The following TRIM9 variants were observed in gnomAD, a reference collection of about 807,000 sequenced individuals.
TRIM9 encodes tripartite motif containing 9.
Under a neutral mutation model 78.3 loss-of-function variants are expected in TRIM9, and 26 were observed. The ratio of observed to expected loss-of-function variants is 0.33; its 90% CI spans 0.24 to 0.46. The LOEUF (loss-of-function observed/expected upper bound fraction) is 0.46. Among genes scored for constraint, TRIM9 ranks in the 20% least tolerant of loss-of-function variants. The pLI, the probability that TRIM9 is intolerant of heterozygous loss-of-function variation, is 1.00. For missense variants in TRIM9, 787 were observed against 1,036.4 expected, an observed-to-expected ratio of 0.76 and a Z score of 3.30; for synonymous variants, 398 against 416.5, an observed-to-expected ratio of 0.96 and a Z score of 0.54.
chr14:51,022,404 A>G (rs2057841812), intron 3 of TRIM9, among the ~76,000 whole-genome samples: 1 of 152,192 alleles, frequency 6.6e-6, no homozygotes, highest in African/African-American at 2.4e-5. Flanking sequence ...AGAAGCCAAC[A>G]CCATGCTTTT....
intron 1 of TRIM9, among the ~76,000 whole-genome samples, chr14:51,054,925 G>A (rs567436975): frequency 3.3e-5 from 5 of 151,896 alleles, no homozygotes; most frequent in South Asian, 4.2e-4. Flanking sequence ...TGCCTCCTGG[G>A]TTCAAGTGAT....
chr14:51,076,879 C>T (rs958319338), intron 1 of TRIM9, among the ~76,000 whole-genome samples: 1 of 152,224 alleles, frequency 6.6e-6, no homozygotes, highest in Non-Finnish European at 1.5e-5. Context: ...GCCTGAATAG[C>T]AGTAGACCCT....
At chr14:51,075,132 C>T (rs1435596480) in intron 1 of TRIM9, among the ~76,000 whole-genome samples, 1 of 152,108 alleles carries the variant, frequency 6.6e-6, no homozygotes, top group Non-Finnish European at 1.5e-5. Flanking sequence ...ATTTTATACA[C>T]GAGAAGCTAG....
At chr14:50,989,351 A>T (rs544600788) in intron 7 of TRIM9, among the ~76,000 whole-genome samples, 1 of 152,336 alleles carries the variant, frequency 6.6e-6, no homozygotes, top group Non-Finnish European at 1.5e-5. Flanking sequence ...GGATGCAGGA[A>T]GAAGGCACAC....
At chr14:51,035,400 A>G (rs2059054949) in intron 1 of TRIM9, among the ~76,000 whole-genome samples, 1 of 152,228 alleles carries the variant, frequency 6.6e-6, no homozygotes, top group African/African-American at 2.4e-5. Flanking sequence ...GAGTCTCTGA[A>G]AGAGTGCAGT....
At chr14:51,052,340 A>C (rs2060501135) in intron 1 of TRIM9, among the ~76,000 whole-genome samples, 1 of 152,210 alleles carries the variant, frequency 6.6e-6, no homozygotes, top group African/African-American at 2.4e-5. Flanking sequence ...ATATAATAAG[A>C]AATTACTTTA....
intron 10 of TRIM9, chr14:50,982,449 C>T (rs975763788): frequency 1.6e-4 from 57 of 361,974 alleles, no homozygotes; most frequent in Admixed American, 1.6e-3. Context: ...AGAGGGGATG[C>T]GCTAAGATGC....
intron 1 of TRIM9, among the ~76,000 whole-genome samples, chr14:51,026,365 T>C (rs559495816): frequency 9.2e-5 from 14 of 152,280 alleles, no homozygotes; most frequent in Admixed American, 3.3e-4. Context: ...CTAGCTTTCT[T>C]GTTATGTGAT....
rs76539374 is a variant in TRIM9 at position 51,086,322 on chromosome 14, T to C, written c.822+7796A>G. Among the ~76,000 whole-genome samples, 55 of 151,796 alleles carry C rather than the reference T, an allele frequency of 3.6e-4. 2 individuals are homozygous for C. The highest frequency in any genetic ancestry group is 1.2e-3 in the African/African-American group (51 of 41,388). On this transcript the variant is annotated intron_variant, in intron 1 of 12. Transcript: ENST00000684578. ...GTGTTCCAGTTTTCTCACAGGAAGA[T>C]GTGTGGATTATGAAGATTAAATGAG...
intron 1 of TRIM9, among the ~76,000 whole-genome samples, chr14:51,056,349 AAAGT>A (rs1196236119): frequency 6.6e-6 from 1 of 152,256 alleles, no homozygotes; most frequent in Non-Finnish European, 1.5e-5. Flanking sequence ...AACCCACTAG[AAAGT>A]AAGTCTATAC....
At chr14:51,050,445 G>A (rs1370775588) in intron 1 of TRIM9, among the ~76,000 whole-genome samples, 3 of 152,130 alleles carry the variant, frequency 2.0e-5, no homozygotes, top group Non-Finnish European at 4.4e-5. Flanking sequence ...CCATGATTGT[G>A]AGGCCTCCCC....
Position 51,025,321 on chromosome 14 carries a change from C to T in TRIM9, c.862G>A (p.Ala288Thr). 1.9e-6 allele frequency: 3 copies of T among 1,614,206 alleles called. No homozygotes were observed. The highest frequency in any genetic ancestry group is 2.5e-6 in the Non-Finnish European group (3 of 1,180,036). Reference sequence around the variant, plus strand: ...ACCAGAAACTCCTTGGCTTCTTTGGCCCTGTCTGACAGTCCGTTCAGCGCC... The same window carrying T: ...ACCAGAAACTCCTTGGCTTCTTTGGTCCTGTCTGACAGTCCGTTCAGCGCC... ...SQALNGLSDR[A>T]KEAKEFLVQL... Residue 288 changes from alanine to threonine, a missense_variant, in exon 2 of 13, where the codon GCC becomes ACC. Transcript: ENST00000684578.
intron 1 of TRIM9, among the ~76,000 whole-genome samples, 182 bp downstream of exon 1, chr14:51,093,936 C>A (rs2064688249): frequency 6.6e-6 from 1 of 152,262 alleles, no homozygotes; most frequent in African/African-American, 2.4e-5. Context: ...TCAACTCCCC[C>A]GTGCGCCGGT....
At chr14:51,022,723 T>C in intron 3 of TRIM9, 112 bp downstream of exon 3, 1 of 1,510,234 alleles carries the variant, frequency 6.6e-7, no homozygotes, top group South Asian at 1.3e-5. Flanking sequence ...TACCCAAGGC[T>C]GTGGGCATCC....
chr14:51,027,407 G>T (rs1000048087), intron 1 of TRIM9, among the ~76,000 whole-genome samples: 1 of 151,442 alleles, frequency 6.6e-6, no homozygotes, highest in Non-Finnish European at 1.5e-5. Context: ...ACCTCCCAAA[G>T]TGCTGGGATT....
At chr14:51,031,094 G>A (rs1282827219) in intron 1 of TRIM9, among the ~76,000 whole-genome samples, 1 of 139,506 alleles carries the variant, frequency 7.2e-6, no homozygotes, top group African/African-American at 2.6e-5. Context: ...GTTGCAGTGA[G>A]CTGTGATTGC....
chr14:51,021,912 G>T (rs2057792478), intron 3 of TRIM9, among the ~76,000 whole-genome samples: 1 of 152,116 alleles, frequency 6.6e-6, no homozygotes, highest in Admixed American at 6.5e-5. Context: ...GCTTCCAACT[G>T]TAAAGTTCAC....
At chr14:51,085,318 C>T (rs930064836) in intron 1 of TRIM9, among the ~76,000 whole-genome samples, 2 of 152,172 alleles carry the variant, frequency 1.3e-5, no homozygotes, top group African/African-American at 4.8e-5. Context: ...TATTCCCGCA[C>T]CAAAGAATAA....
At chr14:51,026,427 G>A (rs1460696413) in intron 1 of TRIM9, among the ~76,000 whole-genome samples, 1 of 152,044 alleles carries the variant, frequency 6.6e-6, no homozygotes, top group Non-Finnish European at 1.5e-5. Context: ...ATTGCTAGCA[G>A]GAATTTATAT....
Sources: allele counts gnomAD v4.1 joint callset (sites outside exome capture counted in the v4.1 genomes callset), GRCh38; gene constraint gnomAD v4.1.1; transcripts MANE v1.5; gene names NCBI Gene and HGNC (gene_info 2026-07-23, HGNC 2026-07-21).